Variants in H4C8 observed in about 807,000 individuals in gnomAD.
H4C8 encodes the protein histone H4.
Under a neutral mutation model 6.0 loss-of-function variants are expected in H4C8, and 8 were observed. The ratio of observed to expected loss-of-function variants is 1.33; its 90% CI spans 0.78 to 2.40. The LOEUF (loss-of-function observed/expected upper bound fraction) is 2.40, where lower values mean the gene tolerates loss of function less well. Ranked by LOEUF, H4C8 falls within the 30% of genes most tolerant of loss-of-function variation. H4C8 has a pLI of 0.00. For missense variants in H4C8, 211 were observed against 143.4 expected, an observed-to-expected ratio of 1.47 and a Z score of -2.41; for synonymous variants, 118 against 51.9, an observed-to-expected ratio of 2.27 and a Z score of -5.47.
chr6:26,285,299 A>C lies in H4C8; in HGVS notation c.201T>G (p.Ile67Met). The C allele has an allele frequency of 6.2e-7, 1 of 1,614,254 alleles. No individual in the cohort carries two copies. Among genetic ancestry groups the C allele is most frequent in the East Asian group, 2.2e-5 (1 of 44,884 alleles). Reference sequence around the variant, plus strand: ...GCTCTGTGTAAGTGACAGCGTCACGAATCACGTTCTCCAGGAACACCTTCA... The same window carrying C: ...GCTCTGTGTAAGTGACAGCGTCACGCATCACGTTCTCCAGGAACACCTTCA... Reference protein sequence around the residue: ...GVLKVFLENVIRDAVTYTEHA... With the variant: ...GVLKVFLENVMRDAVTYTEHA... The change falls in exon 1 of 1, where the codon ATT (isoleucine) becomes ATG (methionine). Residue 67 changes from isoleucine (I) to methionine (M), a missense_variant. By Grantham distance (10) the Ile-to-Met change is conservative. Transcript: ENST00000377727.
rs761213466 is a variant in H4C8 at position 26,285,166 on chromosome 6, AAG to A, written c.*20_*21del. 1.3e-6 allele frequency: 2 copies of A among 1,548,954 alleles called. No individual in the cohort carries two copies. The highest frequency in any genetic ancestry group is 2.3e-5 in the East Asian group (1 of 44,154). ...AGGGCCTTTGGTTGAAAATGAAAAT[AAG>A]AGTGCAGCAAGCAGGAGCCTTAGCC... On this transcript the variant is annotated 3_prime_UTR_variant, in exon 1 of 1. Coordinates refer to ENST00000377727, the MANE Select transcript of H4C8 (RefSeq NM_003543.4).
At position 26,285,349 on chromosome 6, in the gene H4C8, T is replaced by C. The variant is rs756243326; in HGVS notation, c.151A>G (p.Ile51Val). The C allele has an allele frequency of 1.4e-5, 22 of 1,614,240 alleles. No individual in the cohort carries two copies. Among genetic ancestry groups the C allele is most frequent in the Non-Finnish European group, 1.9e-5 (22 of 1,180,040 alleles). ...RGGVKRISGL[I>V]YEETRGVLKV... ...AGAACACCACGAGTCTCCTCATAGA[T>C]AAGGCCAGAAATTCGCTTGACACCG... The change falls in exon 1 of 1, where the codon ATC becomes GTC. Residue 51 changes from isoleucine to valine, a missense_variant. Coordinates refer to ENST00000377727, the MANE Select transcript of H4C8 (RefSeq NM_003543.4).
chr6:26,285,312 AG>A lies in H4C8; in HGVS notation c.187del (p.Leu63TrpfsTer4), dbSNP rs1425724279. Reference sequence around the variant, plus strand: ...GACAGCGTCACGAATCACGTTCTCCAGGAACACCTTCAGAACACCACGAGTC... The same window carrying A: ...GACAGCGTCACGAATCACGTTCTCCAGAACACCTTCAGAACACCACGAGTC... ...EETRGVLKVF[L>X]ENVIRDAVTY... is the part of the protein sequence containing the mutation. On this transcript the variant is annotated frameshift_variant, in exon 1 of 1. Coordinates refer to ENST00000377727, the MANE Select transcript of H4C8 (RefSeq NM_003543.4). LOFTEE classifies it high-confidence loss of function. The A allele has an allele frequency of 1.9e-6, 3 of 1,614,120 alleles. No homozygotes were observed. Among genetic ancestry groups the A allele is most frequent in the African/African-American group, 2.7e-5 (2 of 74,952 alleles).
chr6:26,285,137 G>T lies in H4C8; in HGVS notation c.*51C>A. On this transcript the variant is annotated 3_prime_UTR_variant, in exon 1 of 1. Transcript: ENST00000377727. ...TTTTATGAAAAAAGTGGGCGGCCCT[G>T]AAAAGGGCCTTTGGTTGAAAATGAA... 2.0e-6 allele frequency: 3 copies of T among 1,521,566 alleles called. No individual in the cohort carries two copies. Among genetic ancestry groups the T allele is most frequent in the Non-Finnish European group, 2.6e-6 (3 of 1,133,572 alleles). The allele number at this position is 1,521,566 out of a possible 1,614,324, so 94.3% of individuals were successfully genotyped here.
At position 26,285,287 on chromosome 6, in the gene H4C8, G is replaced by A. The variant is rs375187634; in HGVS notation, c.213C>T (p.Val71=). 13 of 1,614,104 alleles carry A rather than the reference G, an allele frequency of 8.1e-6. No individual in the cohort carries two copies. Among genetic ancestry groups the A allele is most frequent in the Non-Finnish European group, 1.1e-5 (13 of 1,180,058 alleles). The change falls in exon 1 of 1, where the codon GTC becomes GTT. Residue 71 remains valine, a synonymous_variant. Coordinates refer to ENST00000377727, the MANE Select transcript of H4C8 (RefSeq NM_003543.4). ...VFLENVIRDA[V]TYTEHAKRKT... ...TGCGTTTGGCGTGCTCTGTGTAAGTGACAGCGTCACGAATCACGTTCTCCA... is the reference window on the plus strand; with the variant it reads ...TGCGTTTGGCGTGCTCTGTGTAAGTAACAGCGTCACGAATCACGTTCTCCA...
In H4C8 at chr6:26,285,417, T is replaced by A. The variant is rs753248956; in HGVS notation, c.83A>T (p.Gln28Leu). The change falls in exon 1 of 1, where the codon CAG becomes CTG. Residue 28 changes from glutamine to leucine, a missense_variant. Gln to Leu is a moderately radical substitution (Grantham distance 113, BLOSUM62 -2). Transcript: ENST00000377727. ...RHRKVLRDNIQGITKPAIRRL... is the reference protein window; with the variant it reads ...RHRKVLRDNILGITKPAIRRL... The stretch of plus-strand genomic sequence containing the variant: ...CCGGATAGCTGGCTTAGTGATGCCC[T>A]GGATGTTATCGCGCAAAACCTTGCG... 7 of 1,614,264 alleles carry A rather than the reference T, an allele frequency of 4.3e-6. No individual in the cohort carries two copies. Among genetic ancestry groups the A allele is most frequent in the Admixed American group, 1.7e-5 (1 of 60,026 alleles).
In H4C8 at chr6:26,285,523, C is replaced by T. The variant is rs763741872; in HGVS notation, c.-24G>A. Reference sequence around the variant, plus strand: ...ATGACTAAGCAACTTCTAAAACCAACTTAAGAAACCTAAACGCCAAGGCAA... The same window carrying T: ...ATGACTAAGCAACTTCTAAAACCAATTTAAGAAACCTAAACGCCAAGGCAA... On this transcript the variant is annotated 5_prime_UTR_variant, in exon 1 of 1. Transcript: ENST00000377727. The T allele has an allele frequency of 3.8e-6, 6 of 1,566,118 alleles. No individual in the cohort carries two copies. Among genetic ancestry groups the T allele is most frequent in the Middle Eastern group, 1.7e-4 (1 of 5,838 alleles).
Position 26,285,486 on chromosome 6 carries a change from C to T in H4C8, c.14G>A (p.Gly5Asp), listed in dbSNP as rs199970263. 7 of 1,604,518 alleles carry T rather than the reference C, an allele frequency of 4.4e-6. No homozygotes were observed. Among genetic ancestry groups the T allele is most frequent in the African/African-American group, 2.7e-5 (2 of 74,770 alleles). MSGR[G>D]KGGKGLGKGG... ...CTTACCCAAACCTTTTCCACCTTTA[C>T]CACGGCCAGACATGACTAAGCAACT... The change falls in exon 1 of 1, where the codon GGT (glycine) becomes GAT (aspartate). Residue 5 changes from glycine (G) to aspartate (D), a missense_variant. Physicochemically the swap from Gly to Asp is moderately conservative, Grantham distance 94. Transcript: ENST00000377727.
Position 26,285,469 on chromosome 6 carries a change from A to G in H4C8, c.31T>C (p.Leu11=), listed in dbSNP as rs1760721546. 6.2e-7 allele frequency: 1 copy of G among 1,609,262 alleles called. No individual in the cohort carries two copies. The highest frequency in any genetic ancestry group is 1.3e-5 in the African/African-American group (1 of 74,834). MSGRGKGGKG[L]GKGGAKRHRK... is the part of the protein sequence containing the mutation. ...TGACGCTTAGCTCCTCCCTTACCCA[A>G]ACCTTTTCCACCTTTACCACGGCCA... Residue 11 remains leucine (L), a synonymous_variant, in exon 1 of 1, where the codon TTG becomes CTG. Coordinates refer to ENST00000377727, the MANE Select transcript of H4C8 (RefSeq NM_003543.4).
rs377587344 is a variant in H4C8, at chr6:26,285,507, C to T, written c.-8G>A. On this transcript the variant is annotated 5_prime_UTR_variant, in exon 1 of 1. Coordinates refer to ENST00000377727, the MANE Select transcript of H4C8 (RefSeq NM_003543.4). Reference sequence around the variant, plus strand: ...TTTACCACGGCCAGACATGACTAAGCAACTTCTAAAACCAACTTAAGAAAC... The same window carrying T: ...TTTACCACGGCCAGACATGACTAAGTAACTTCTAAAACCAACTTAAGAAAC... The T allele has an allele frequency of 3.5e-5, 56 of 1,588,810 alleles. No individual in the cohort carries two copies. Among genetic ancestry groups the T allele is most frequent in the Non-Finnish European group, 4.4e-5 (51 of 1,163,308 alleles).
chr6:26,285,164 A>G lies in H4C8; in HGVS notation c.*24T>C, dbSNP rs373741933. 5.9e-5 allele frequency: 91 copies of G among 1,546,370 alleles called. No individual in the cohort carries two copies. The highest frequency in any genetic ancestry group is 7.4e-5 in the Non-Finnish European group (85 of 1,143,652). On this transcript the variant is annotated 3_prime_UTR_variant, in exon 1 of 1. Coordinates refer to ENST00000377727, the MANE Select transcript of H4C8 (RefSeq NM_003543.4). ...AAAGGGCCTTTGGTTGAAAATGAAAATAAGAGTGCAGCAAGCAGGAGCCTT... is the reference window on the plus strand; with the variant it reads ...AAAGGGCCTTTGGTTGAAAATGAAAGTAAGAGTGCAGCAAGCAGGAGCCTT...
chr6:26,285,336 G>C lies in H4C8; in HGVS notation c.164C>G (p.Thr55Ser), dbSNP rs371683978. 3 of 1,614,102 alleles carry C rather than the reference G, an allele frequency of 1.9e-6. No individual in the cohort carries two copies. In the African/African-American group the frequency reaches 4.0e-5, roughly 22 times the overall value. Reference sequence around the variant, plus strand: ...CAGGAACACCTTCAGAACACCACGAGTCTCCTCATAGATAAGGCCAGAAAT... The same window carrying C: ...CAGGAACACCTTCAGAACACCACGACTCTCCTCATAGATAAGGCCAGAAAT... ...KRISGLIYEE[T>S]RGVLKVFLEN... The change falls in exon 1 of 1, where the codon ACT becomes AGT. Residue 55 changes from threonine (T) to serine (S), a missense_variant. Coordinates refer to ENST00000377727, the MANE Select transcript of H4C8 (RefSeq NM_003543.4).
rs754076309 is a variant in H4C8 at position 26,285,412 on chromosome 6, T to C, written c.88A>G (p.Ile30Val). ...AGGCGCCGGATAGCTGGCTTAGTGATGCCCTGGATGTTATCGCGCAAAACC... is the reference window on the plus strand; with the variant it reads ...AGGCGCCGGATAGCTGGCTTAGTGACGCCCTGGATGTTATCGCGCAAAACC... Reference protein sequence around the residue: ...RKVLRDNIQGITKPAIRRLAR... With the variant: ...RKVLRDNIQGVTKPAIRRLAR... The change falls in exon 1 of 1, where the codon ATC becomes GTC. Residue 30 changes from isoleucine (I) to valine (V), a missense_variant. Ile to Val is a conservative substitution (Grantham distance 29). Transcript: ENST00000377727. 2.5e-6 allele frequency: 4 copies of C among 1,614,152 alleles called. No individual in the cohort carries two copies. The highest frequency in any genetic ancestry group is 2.2e-5 in the East Asian group (1 of 44,906).
chr6:26,285,395 G>A lies in H4C8; in HGVS notation c.105C>T (p.Ile35=), dbSNP rs748810952. 12 of 1,614,132 alleles carry A rather than the reference G, an allele frequency of 7.4e-6. No individual in the cohort carries two copies. Among genetic ancestry groups the A allele is most frequent in the East Asian group, 4.5e-5 (2 of 44,906 alleles). ...CACCGCCGCGACGAGCAAGGCGCCG[G>A]ATAGCTGGCTTAGTGATGCCCTGGA... The part of the protein sequence containing the change: ...DNIQGITKPA[I]RRLARRGGVK... Residue 35 remains isoleucine, a synonymous_variant, in exon 1 of 1, where the codon ATC becomes ATT. Coordinates refer to ENST00000377727, the MANE Select transcript of H4C8 (RefSeq NM_003543.4).
chr6:26,285,300 A>G lies in H4C8; in HGVS notation c.200T>C (p.Ile67Thr). ...CTCTGTGTAAGTGACAGCGTCACGA[A>G]TCACGTTCTCCAGGAACACCTTCAG... ...GVLKVFLENV[I>T]RDAVTYTEHA... is the part of the protein sequence containing the mutation. The change falls in exon 1 of 1, where the codon ATT (isoleucine) becomes ACT (threonine). Residue 67 changes from isoleucine to threonine, a missense_variant. Ile to Thr is a moderately conservative substitution (Grantham distance 89). Coordinates refer to ENST00000377727, the MANE Select transcript of H4C8 (RefSeq NM_003543.4). 1.2e-6 allele frequency: 2 copies of G among 1,614,242 alleles called. No individual in the cohort carries two copies. Among genetic ancestry groups the G allele is most frequent in the Non-Finnish European group, 1.7e-6 (2 of 1,180,044 alleles).
chr6:26,285,371 AC>A lies in H4C8; in HGVS notation c.128del (p.Gly43ValfsTer17), dbSNP rs1427095484. 6.2e-7 allele frequency: 1 copy of A among 1,614,226 alleles called. No homozygotes were observed. The highest frequency in any genetic ancestry group is 1.1e-5 in the South Asian group (1 of 91,088). On this transcript the variant is annotated frameshift_variant, in exon 1 of 1. Coordinates refer to ENST00000377727, the MANE Select transcript of H4C8 (RefSeq NM_003543.4). LOFTEE classifies it high-confidence loss of function. ...PAIRRLARRG[G>X]VKRISGLIYE... ...AGATAAGGCCAGAAATTCGCTTGAC[AC>A]CGCCGCGACGAGCAAGGCGCCGGAT...
rs1347063204 is a variant in H4C8, at chr6:26,285,131, G to A, written c.*57C>T. The stretch of plus-strand genomic sequence containing the variant: ...CTGCTCTTTTATGAAAAAAGTGGGC[G>A]GCCCTGAAAAGGGCCTTTGGTTGAA... On this transcript the variant is annotated 3_prime_UTR_variant, in exon 1 of 1. Coordinates refer to ENST00000377727, the MANE Select transcript of H4C8 (RefSeq NM_003543.4). 51 of 1,507,102 alleles carry A rather than the reference G, an allele frequency of 3.4e-5. No homozygotes were observed. Among genetic ancestry groups the A allele is most frequent in the Admixed American group, 4.5e-5 (2 of 44,378 alleles). 93.4% of individuals were successfully genotyped at this position (1,507,102 alleles called of 1,614,324 possible). A position where few individuals can be genotyped will look rare whatever the true frequency, so the allele number is the denominator to read the frequency against.
In H4C8 at chr6:26,285,240, A is replaced by C. The variant is rs1394506281; in HGVS notation, c.260T>G (p.Val87Gly). Reference protein sequence around the residue: ...AKRKTVTAMDVVYALKRQGRT... With the variant: ...AKRKTVTAMDGVYALKRQGRT... ...TCCCTGTCGCTTCAGCGCGTAGACC[A>C]CATCCATTGCTGTCACGGTCTTGCG... Residue 87 changes from valine (V) to glycine (G), a missense_variant, in exon 1 of 1, where the codon GTG becomes GGG. Transcript: ENST00000377727. 2 of 1,613,370 alleles carry C rather than the reference A, an allele frequency of 1.2e-6. No homozygotes were observed. The highest frequency in any genetic ancestry group is 2.7e-5 in the African/African-American group (2 of 74,940).
chr6:26,285,188 T>C lies in H4C8; in HGVS notation c.312A>G (p.Ter104=). 1 of 1,587,972 alleles carries C rather than the reference T, an allele frequency of 6.3e-7. No individual in the cohort carries two copies. The highest frequency in any genetic ancestry group is 8.6e-7 in the Non-Finnish European group (1 of 1,161,578). ...AATAAGAGTGCAGCAAGCAGGAGCC[T>C]TAGCCACCGAAGCCGTAAAGAGTGC... ...QGRTLYGFGG[*] is the part of the protein sequence containing the mutation. The change falls in exon 1 of 1, where the codon TAA becomes TAG. Residue 104 remains the stop codon, a stop_retained_variant. Transcript: ENST00000377727.
Sources: gnomAD v4.1 joint callset for allele counts on GRCh38, gnomAD v4.1.1 for gene constraint, MANE v1.5 for transcripts, NCBI Gene and HGNC (gene_info 2026-07-23, HGNC 2026-07-21) for gene names.